The following PHC2 variants were observed in gnomAD, a reference collection of about 807,000 sequenced individuals.
PHC2 encodes the protein polyhomeotic-like protein 2.
A neutral mutation model predicts 87.4 loss-of-function variants in PHC2; 29 were observed. The observed-to-expected ratio is 0.33, with a 90% CI of 0.25 to 0.45. The LOEUF (loss-of-function observed/expected upper bound fraction) is 0.45, where lower values mean the gene tolerates loss of function less well. PHC2 is among the 20% of genes least tolerant of loss of function. The probability of loss-of-function intolerance (pLI) is 1.00; values close to 1 mark genes in which losing one functional copy is unlikely to be tolerated. For missense variants in PHC2, 857 were observed against 1,136.7 expected (o/e 0.75, Z 3.54); for synonymous variants, 438 against 461.7 (o/e 0.95, Z 0.66).
chr1:33,332,789 C>G lies in PHC2; in HGVS notation c.1762-385G>C, dbSNP rs141693980. Among the ~76,000 whole-genome samples the G allele has an allele frequency of 5.3e-5, 8 of 152,098 alleles. No homozygotes were observed. Among genetic ancestry groups the G allele is most frequent in the Admixed American group, 5.2e-4 (8 of 15,262 alleles). On this transcript the variant is annotated intron_variant, in intron 10 of 14. Transcript: ENST00000683057. The surrounding 1 kb of genome is among the most constrained non-coding windows in gnomAD (Gnocchi z 4.2). ...CGGAGTCTGTGTGAGGCTGTACATA[C>G]GAGAGAGAGACTCAGCACCCATTTT...
chr1:33,356,273 ATATG>A lies in PHC2; in HGVS notation c.977-1024_977-1021del, dbSNP rs1280519561. Among the ~76,000 whole-genome samples, 415 of 94,468 alleles carry A rather than the reference ATATG, an allele frequency of 4.4e-3. 5 individuals carry two copies. The highest frequency in any genetic ancestry group is 4.8e-3 in the Non-Finnish European group (213 of 44,380). The allele number at this position is 94,468 out of a possible 152,430, so 62.0% of individuals were successfully genotyped here. ...CTTATATATATATATATATATATAT[ATATG>A]TATATATATATATATATTTATTTAT... On this transcript the variant is annotated intron_variant, in intron 7 of 14. Coordinates refer to ENST00000683057, the MANE Select transcript of PHC2 (RefSeq NM_001385109.1).
chr1:33,426,830 A>G (rs905977990), intron 1 of PHC2, among the ~76,000 whole-genome samples: 2 of 151,966 alleles, frequency 1.3e-5, no homozygotes, highest in South Asian at 4.1e-4. Flanking sequence ...TACCCTCAGG[A>G]GGTAGTACAG....
At chr1:33,420,284 A>G (rs1266631114) in intron 1 of PHC2, among the ~76,000 whole-genome samples, 1 of 152,250 alleles carries the variant, frequency 6.6e-6, no homozygotes, top group East Asian at 1.9e-4. Context: ...TAGTGCTAAC[A>G]TACAAACTCA....
chr1:33,331,248 A>T lies in PHC2; in HGVS notation c.2006+100T>A. The T allele has an allele frequency of 1.7e-6, 1 of 592,518 alleles. No homozygotes were observed. Among genetic ancestry groups the T allele is most frequent in the Non-Finnish European group, 2.9e-6 (1 of 339,324 alleles). The allele number at this position is 592,518 out of a possible 1,614,324, so 36.7% of individuals were successfully genotyped here. The stretch of plus-strand genomic sequence containing the variant: ...GTGGGTCGAGGAACTAGGAAACTGG[A>T]GAAGCCACCCCTATGGACCTCCTGG... On this transcript the variant is annotated intron_variant, in intron 12 of 14. Transcript: ENST00000683057. This position sits in a 1 kb window ranked among gnomAD's most constrained non-coding sequence, Gnocchi z 5.2.
chr1:33,328,361 T>G (rs1022226898), intron 14 of PHC2, among the ~76,000 whole-genome samples: 1 of 148,240 alleles, frequency 6.7e-6, no homozygotes, highest in Non-Finnish European at 1.5e-5. Flanking sequence ...TCATTTAGTT[T>G]ACATTTTCTT....
At chr1:33,367,514 A>AG in intron 6 of PHC2, 86 bp from the exon 7 acceptor site, 1 of 1,044,830 alleles carries the variant, frequency 9.6e-7, no homozygotes, top group African/African-American at 1.6e-5. Flanking sequence ...GGATGGATCC[A>AG]GGAATGGCTG....
At position 33,330,062 on chromosome 1, in the gene PHC2, G is replaced by A. The variant is rs755276459; in HGVS notation, c.2148+9C>T. On this transcript the variant is annotated intron_variant, in intron 13 of 14. Transcript: ENST00000683057. ...GGGGATGGAGCTTCAGGCTCTGCCC[G>A]CCTCTTACCTGCTTCTTGGTATCCT... The A allele has an allele frequency of 2.7e-5, 43 of 1,612,582 alleles. No homozygotes were observed. Among genetic ancestry groups the A allele is most frequent in the Non-Finnish European group, 3.5e-5 (41 of 1,179,628 alleles).
At chr1:33,407,580 T>C (rs1649816630) in intron 1 of PHC2, among the ~76,000 whole-genome samples, 1 of 152,146 alleles carries the variant, frequency 6.6e-6, no homozygotes, top group Admixed American at 6.6e-5. Context: ...TTGAGATTCC[T>C]GGATTAAACA....
At chr1:33,365,279 G>A (rs977578019) in intron 7 of PHC2, among the ~76,000 whole-genome samples, 1 of 152,182 alleles carries the variant, frequency 6.6e-6, no homozygotes, top group African/African-American at 2.4e-5. Flanking sequence ...AGCACACGAC[G>A]GACGTCCTGT....
intron 1 of PHC2, among the ~76,000 whole-genome samples, chr1:33,383,965 T>G (rs752812544): frequency 3.3e-5 from 5 of 152,124 alleles, no homozygotes; most frequent in Non-Finnish European, 7.4e-5. Context: ...AACGGTAACA[T>G]GATACATTTG....
At chr1:33,329,863 G>T (rs1335453818) in intron 13 of PHC2, among the ~76,000 whole-genome samples, 2 of 152,228 alleles carry the variant, frequency 1.3e-5, no homozygotes, top group African/African-American at 4.8e-5. Flanking sequence ...GGCCACGGAA[G>T]GGGGCAGGGA....
chr1:33,335,670 G>A (rs1310209534), intron 9 of PHC2, among the ~76,000 whole-genome samples: 1 of 152,218 alleles, frequency 6.6e-6, no homozygotes, highest in East Asian at 1.9e-4. Context: ...GGAAGACCGA[G>A]GCGGGTGGAT....
intron 9 of PHC2, among the ~76,000 whole-genome samples, chr1:33,348,882 G>C (rs1473759917): frequency 6.6e-6 from 1 of 152,176 alleles, no homozygotes; most frequent in Non-Finnish European, 1.5e-5. Context: ...GCAGTAGCAG[G>C]GCACTGACTG....
At chr1:33,351,292 CA>C (rs1009695295) in intron 9 of PHC2, among the ~76,000 whole-genome samples, 37 of 151,040 alleles carry the variant, frequency 2.4e-4, no homozygotes, top group African/African-American at 4.9e-4. Flanking sequence ...TTGATTTTTT[CA>C]AAAAAAAATT....
intron 9 of PHC2, among the ~76,000 whole-genome samples, chr1:33,350,756 T>C (rs148907226): frequency 6.6e-6 from 1 of 152,220 alleles, no homozygotes; most frequent in East Asian, 1.9e-4. Context: ...ATCTTCTTTG[T>C]TTACATTTAT....
chr1:33,338,418 A>G (rs1434457428), intron 9 of PHC2, among the ~76,000 whole-genome samples: 4 of 152,182 alleles, frequency 2.6e-5, no homozygotes, highest in African/African-American at 9.7e-5. Context: ...CAGATGGGAG[A>G]GTGTTTTATG....
At chr1:33,400,195 T>A (rs1445416987) in intron 1 of PHC2, among the ~76,000 whole-genome samples, 1 of 152,220 alleles carries the variant, frequency 6.6e-6, no homozygotes, top group Non-Finnish European at 1.5e-5. Context: ...GGTAAGAATA[T>A]AATTTGGAAT....
intron 9 of PHC2, among the ~76,000 whole-genome samples, chr1:33,338,761 G>A (rs1022686035): frequency 2.0e-5 from 3 of 152,198 alleles, no homozygotes; most frequent in Non-Finnish European, 2.9e-5. Flanking sequence ...GTGCTGCCGG[G>A]CATTCCCACA....
chr1:33,344,429 C>CT (rs1646807766), intron 9 of PHC2, among the ~76,000 whole-genome samples: 1 of 152,270 alleles, frequency 6.6e-6, no homozygotes, highest in East Asian at 1.9e-4. Context: ...GGACTACATA[C>CT]TACATACCTT....
Sources: allele counts gnomAD v4.1 joint callset (sites outside exome capture counted in the v4.1 genomes callset), GRCh38; gene constraint gnomAD v4.1.1; non-coding constraint Gnocchi (gnomAD v3.1); transcripts MANE v1.5; gene names NCBI Gene and HGNC (gene_info 2026-07-23, HGNC 2026-07-21).